The following SYNE1 variants were observed in gnomAD, a reference collection of about 807,000 sequenced individuals.
SYNE1 encodes spectrin repeat containing nuclear envelope protein 1, also known as nesprin-1.
Under a neutral mutation model 1,111.0 loss-of-function variants are expected in SYNE1, and 616 were observed. The ratio of observed to expected loss-of-function variants is 0.55; its 90% confidence interval spans 0.52 to 0.59. The LOEUF is 0.59. SYNE1 is among the 20% of genes least tolerant of loss of function. The pLI, the probability that SYNE1 is intolerant of heterozygous loss-of-function variation, is 0.00. For missense variants in SYNE1, 10,006 were observed against 10,417.0 expected, an observed-to-expected ratio of 0.96 and a Z score of 1.72; for synonymous variants, 3,855 against 3,825.8, an observed-to-expected ratio of 1.01 and a Z score of -0.28.
intron 126 of SYNE1, among the ~76,000 whole-genome samples, chr6:152,203,863 A>C (rs1183824734): frequency 6.6e-6 from 1 of 152,176 alleles, no homozygotes; most frequent in Non-Finnish European, 1.5e-5. Flanking sequence ...AACAAAAAAA[A>C]ATTGTCTATC....
At chr6:152,425,252 T>C in intron 39 of SYNE1, 129 bp downstream of exon 39, 1 of 948,706 alleles carries the variant, frequency 1.1e-6, no homozygotes, top group South Asian at 1.7e-5. Flanking sequence ...AAAGTTTTCT[T>C]CCCTTCTGTA....
rs773367369 is a variant in SYNE1 at position 152,277,444 on chromosome 6, AT to A, written c.18573+644del. 4.8e-3 allele frequency: 646 copies of A among 135,920 alleles called. 2 individuals are homozygous for A. Among genetic ancestry groups the A allele is most frequent in the Middle Eastern group, 0.019 (5 of 258 alleles). 8.4% of individuals were successfully genotyped at this position (135,920 alleles called of 1,614,324 possible). A position where few individuals can be genotyped will look rare whatever the true frequency, so the allele number is the denominator to read the frequency against. On this transcript the variant is annotated intron_variant, in intron 98 of 145. Coordinates refer to ENST00000367255, the MANE Select transcript of SYNE1 (RefSeq NM_182961.4). The stretch of plus-strand genomic sequence containing the variant: ...AGGTGTCCACCACAAGGCCCAGCTA[AT>A]TTTTTTTTTTTTTTGTATTTTTAGC...
chr6:152,294,077 A>G lies in SYNE1; in HGVS notation c.17733T>C (p.Ala5911=). Residue 5911 remains alanine (A), a synonymous_variant, in exon 94 of 146, where the codon GCT becomes GCC. Transcript: ENST00000367255. ...CGGATGTGCTGGGGTGAATTTTTGC[A>G]GCATCTGTCTGCAACCTCTCAGCAG... ...ALSAERLQTD[A]AKIHPSTSAS... 1 of 1,613,936 alleles carries G rather than the reference A, an allele frequency of 6.2e-7. No individual in the cohort carries two copies. The highest frequency in any genetic ancestry group is 8.5e-7 in the Non-Finnish European group (1 of 1,180,022).
chr6:152,453,359 G>T, intron 25 of SYNE1: 1 of 649,144 alleles, frequency 1.5e-6, no homozygotes, highest in Non-Finnish European at 2.6e-6. Context: ...CAAAAAGAAT[G>T]CTCGAGTAAT....
chr6:152,337,891 T>G (rs1374042406), intron 75 of SYNE1, among the ~76,000 whole-genome samples: 1 of 152,182 alleles, frequency 6.6e-6, no homozygotes, highest in African/African-American at 2.4e-5. Flanking sequence ...CTCGTGTCTG[T>G]AATCCTAGCA....
At chr6:152,175,101 G>A (rs1408335466) in intron 130 of SYNE1, among the ~76,000 whole-genome samples, 2 of 152,186 alleles carry the variant, frequency 1.3e-5, no homozygotes, top group East Asian at 1.9e-4. Context: ...GCTGAGGCAG[G>A]AGAATTGCTT....
chr6:152,294,174 T>A, intron 93 of SYNE1, 47 bp from the exon 94 acceptor site: 1 of 1,596,170 alleles, frequency 6.3e-7, no homozygotes, highest in South Asian at 1.1e-5. Flanking sequence ...AGACAAAGTC[T>A]AGATTAATAT....
intron 52 of SYNE1, among the ~76,000 whole-genome samples, 160 bp from the exon 53 acceptor site, chr6:152,390,612 A>G (rs969175576): frequency 6.6e-6 from 1 of 152,352 alleles, no homozygotes; most frequent in East Asian, 1.9e-4. Flanking sequence ...TATTGACTCA[A>G]AATTAGGTAT....
chr6:152,190,057 T>G (rs971441066), intron 127 of SYNE1, among the ~76,000 whole-genome samples: 1 of 152,224 alleles, frequency 6.6e-6, no homozygotes, highest in African/African-American at 2.4e-5. Context: ...AAATCCTTTG[T>G]TGTTACTTCA....
chr6:152,523,869 A>G (rs2099151959), intron 5 of SYNE1, among the ~76,000 whole-genome samples: 1 of 152,164 alleles, frequency 6.6e-6, no homozygotes. Context: ...GTTGCTATAT[A>G]AAAGTGCTAC....
At chr6:152,349,883 T>C (rs192271230) in intron 72 of SYNE1, among the ~76,000 whole-genome samples, 244 of 152,312 alleles carry the variant, frequency 1.6e-3, no homozygotes, top group Middle Eastern at 3.4e-3. Context: ...TCTGCTGCCA[T>C]GTGAGATGTG....
chr6:152,573,339 AC>A (rs1490071542), intron 3 of SYNE1, among the ~76,000 whole-genome samples: 1 of 45,876 alleles, frequency 2.2e-5, no homozygotes, highest in African/African-American at 1.1e-4. Flanking sequence ...CCCTCCCCCC[AC>A]CCCACAACAG....
intron 114 of SYNE1, 96 bp downstream of exon 114, chr6:152,231,293 GTA>G: frequency 3.7e-6 from 5 of 1,342,082 alleles, no homozygotes; most frequent in South Asian, 2.3e-5. Context: ...TCTTTGCCCA[GTA>G]TAGCCACGCT....
chr6:152,448,962 A>T (rs1044172223), intron 28 of SYNE1, among the ~76,000 whole-genome samples: 1 of 152,248 alleles, frequency 6.6e-6, no homozygotes, highest in Non-Finnish European at 1.5e-5. Flanking sequence ...ATGTTCAAAG[A>T]TGAAGACTTT....
chr6:152,163,472 C>G (rs1403673911), intron 131 of SYNE1, among the ~76,000 whole-genome samples: 2 of 141,434 alleles, frequency 1.4e-5, no homozygotes, highest in Non-Finnish European at 3.0e-5. Flanking sequence ...ACACTCCAGC[C>G]TGGGCAACAG....
chr6:152,488,557 G>GCA, intron 11 of SYNE1, 54 bp from the exon 12 acceptor site: 4 of 951,448 alleles, frequency 4.2e-6, no homozygotes, highest in Non-Finnish European at 6.7e-6. Context: ...TTATTTAATT[G>GCA]CTGATTAATA....
chr6:152,244,526 G>A lies in SYNE1; in HGVS notation c.19692+11C>T. On this transcript the variant is annotated intron_variant, in intron 106 of 145. Coordinates refer to ENST00000367255, the MANE Select transcript of SYNE1 (RefSeq NM_182961.4). ...CCCCTGCAGCTGAATACTACTGGCT[G>A]AAGGCTGCACCTGGAGCTTGGAGAG... is the stretch of plus-strand genomic sequence containing the variant. 1.2e-6 allele frequency: 2 copies of A among 1,613,996 alleles called. No homozygotes were observed. The highest frequency in any genetic ancestry group is 1.7e-6 in the Non-Finnish European group (2 of 1,179,904).
chr6:152,264,398 G>A (rs1391556050), intron 100 of SYNE1, among the ~76,000 whole-genome samples: 1 of 151,908 alleles, frequency 6.6e-6, no homozygotes, highest in Non-Finnish European at 1.5e-5. Flanking sequence ...AATAACAAGT[G>A]TGTTGGCAGG....
chr6:152,511,368 T>C lies in SYNE1; in HGVS notation c.310-265A>G, dbSNP rs145477979. On this transcript the variant is annotated intron_variant, in intron 6 of 145. Coordinates refer to ENST00000367255, the MANE Select transcript of SYNE1 (RefSeq NM_182961.4). The stretch of plus-strand genomic sequence containing the variant: ...TGTTTAAAGTTGAAAAAATATAACA[T>C]GCAGGCAATTACCAACAAAAATGTC... Among the ~76,000 whole-genome samples the C allele has an allele frequency of 5.4e-3, 823 of 152,166 alleles. 13 individuals are homozygous for C. The highest frequency in any genetic ancestry group is 4.7e-3 in the Non-Finnish European group (320 of 68,010).
Sources: gnomAD v4.1 joint callset for allele counts (sites outside exome capture counted in the v4.1 genomes callset) on GRCh38, gnomAD v4.1.1 for gene constraint, MANE v1.5 for transcripts, NCBI Gene and HGNC (gene_info 2026-07-23, HGNC 2026-07-21) for gene names.